BLOC1S2: variants seen among roughly 807,000 people sequenced by gnomAD.
BLOC1S2 encodes the protein biogenesis of lysosome-related organelles complex 1 subunit 2.
BLOC1S2 carries 12 observed loss-of-function variants against 19.6 expected under a neutral mutation model. That is an observed-to-expected ratio of 0.61 (90% CI 0.39 to 0.99). The LOEUF (loss-of-function observed/expected upper bound fraction) is 0.99. Ranked by LOEUF, BLOC1S2 falls within the 50% of genes least tolerant of loss-of-function variation. The probability of loss-of-function intolerance (pLI) is 0.00; values close to 1 mark genes in which losing one functional copy is unlikely to be tolerated. For missense variants in BLOC1S2, 142 were observed against 171.0 expected (o/e 0.83, Z 0.95); for synonymous variants, 66 against 64.1 (o/e 1.03, Z -0.14).
At position 100,280,215 on chromosome 10, in the gene BLOC1S2, C is replaced by T; in HGVS notation, c.306G>A (p.Gln102=). The change falls in exon 4 of 5, where the codon CAG becomes CAA. Residue 102 remains glutamine (Q), a synonymous_variant. Coordinates refer to ENST00000370372, the MANE Select transcript of BLOC1S2 (RefSeq NM_173809.5). Reference sequence around the variant, plus strand: ...TGACATTGATCTGATCCAGATAAGGCTGCAGTCCAGCATCTTTAAAAACAA... The same window carrying T: ...TGACATTGATCTGATCCAGATAAGGTTGCAGTCCAGCATCTTTAAAAACAA... The part of the protein sequence containing the change: ...KDLNQKYAGL[Q]PYLDQINVIE... 2 of 1,609,252 alleles carry T rather than the reference C, an allele frequency of 1.2e-6. No homozygotes were observed. The highest frequency in any genetic ancestry group is 1.1e-5 in the South Asian group (1 of 90,230).
At chr10:100,285,168 G>A (rs1848202336) in intron 2 of BLOC1S2, among the ~76,000 whole-genome samples, 1 of 152,142 alleles carries the variant, frequency 6.6e-6, no homozygotes, top group Non-Finnish European at 1.5e-5. Flanking sequence ...TTAGCTTACA[G>A]TAATTTCCTG....
At chr10:100,278,193 C>T (rs1589648609) in intron 4 of BLOC1S2, among the ~76,000 whole-genome samples, 1 of 147,680 alleles carries the variant, frequency 6.8e-6, no homozygotes, top group South Asian at 2.1e-4. Flanking sequence ...CCAGCCGCCC[C>T]GTCCGGGAGG....
At chr10:100,281,183 T>A in intron 2 of BLOC1S2, 130 bp from the exon 3 acceptor site, 2 of 1,040,284 alleles carry the variant, frequency 1.9e-6, no homozygotes, top group Non-Finnish European at 2.8e-6. Context: ...ACTTTTGATC[T>A]ATGACATTTA....
At position 100,286,518 on chromosome 10, in the gene BLOC1S2, G is replaced by T. The variant is rs914100903; in HGVS notation, c.55+87C>A. 52 of 1,567,492 alleles carry T rather than the reference G, an allele frequency of 3.3e-5. 1 individual carries two copies. The South Asian group carries it at 5.8e-4, about 18-fold the overall frequency. Reference sequence around the variant, plus strand: ...CCTCTCACCAGCCCGTTCCTGCCAGGTGAGCCACCACACACTCAACCTCGC... The same window carrying T: ...CCTCTCACCAGCCCGTTCCTGCCAGTTGAGCCACCACACACTCAACCTCGC... On this transcript the variant is annotated intron_variant, in intron 1 of 4. Coordinates refer to ENST00000370372, the MANE Select transcript of BLOC1S2 (RefSeq NM_173809.5).
chr10:100,275,758 C>A (rs1847833307), intron 4 of BLOC1S2, among the ~76,000 whole-genome samples: 1 of 151,266 alleles, frequency 6.6e-6, no homozygotes, highest in Non-Finnish European at 1.5e-5. Flanking sequence ...GACAGCTCCA[C>A]CAGGATGGGG....
intron 4 of BLOC1S2, among the ~76,000 whole-genome samples, chr10:100,276,791 C>T (rs1468537213): frequency 5.9e-5 from 9 of 151,626 alleles, no homozygotes; most frequent in Non-Finnish European, 1.2e-4. Flanking sequence ...GACGGAGTCT[C>T]ATTCACTCAG....
intron 1 of BLOC1S2, 120 bp downstream of exon 1, chr10:100,286,485 A>T (rs1391631212): frequency 6.7e-7 from 1 of 1,503,014 alleles, no homozygotes; most frequent in African/African-American, 1.4e-5. Context: ...CGCAGCGACA[A>T]GTGCACTCCT....
intron 4 of BLOC1S2, among the ~76,000 whole-genome samples, chr10:100,277,824 G>A (rs1722161386): frequency 7.5e-6 from 1 of 132,900 alleles, no homozygotes; most frequent in Admixed American, 7.1e-5. Flanking sequence ...CCCCGTCCGG[G>A]AGGGAGGTGG....
chr10:100,279,510 G>A (rs1188373653), intron 4 of BLOC1S2, among the ~76,000 whole-genome samples: 2 of 151,994 alleles, frequency 1.3e-5, no homozygotes, highest in African/African-American at 4.8e-5. Flanking sequence ...TGAGGCGGGC[G>A]GATCACGAGG....
chr10:100,278,849 G>A (rs1848021272), intron 4 of BLOC1S2, among the ~76,000 whole-genome samples: 1 of 151,780 alleles, frequency 6.6e-6, no homozygotes, highest in South Asian at 2.1e-4. Flanking sequence ...TACTTGAGAG[G>A]CTGAGGTGGG....
At chr10:100,276,764 G>T (rs1215144831) in intron 4 of BLOC1S2, among the ~76,000 whole-genome samples, 3 of 150,806 alleles carry the variant, frequency 2.0e-5, no homozygotes, top group Admixed American at 6.6e-5. Context: ...TCGGCCTCCC[G>T]AGGTGCCGGG....
chr10:100,282,274 A>G (rs1202093695), intron 2 of BLOC1S2, among the ~76,000 whole-genome samples: 4 of 152,222 alleles, frequency 2.6e-5, no homozygotes, highest in Non-Finnish European at 5.9e-5. Context: ...TCACTGCTAA[A>G]CAATTTGAAA....
At chr10:100,280,753 C>A (rs1848082093) in intron 3 of BLOC1S2, among the ~76,000 whole-genome samples, 181 bp downstream of exon 3, 1 of 152,090 alleles carries the variant, frequency 6.6e-6, no homozygotes, top group Non-Finnish European at 1.5e-5. Context: ...AGCAAAAATA[C>A]CCATACAAAC....
chr10:100,280,108 A>T lies in BLOC1S2; in HGVS notation c.397+16T>A. On this transcript the variant is annotated intron_variant, in intron 4 of 4. Coordinates refer to ENST00000370372, the MANE Select transcript of BLOC1S2 (RefSeq NM_173809.5). ...AGCAGTCTTTATTACATCAAAACAG[A>T]AGTAAAAACGGTTACCCAGTTTTTT... 1 of 1,595,280 alleles carries T rather than the reference A, an allele frequency of 6.3e-7. No homozygotes were observed. The highest frequency in any genetic ancestry group is 1.1e-5 in the South Asian group (1 of 90,074).
rs375784294 is a variant in BLOC1S2 at position 100,286,670 on chromosome 10, G to T, written c.-11C>A. 1.9e-6 allele frequency: 3 copies of T among 1,609,178 alleles called. No homozygotes were observed. Among genetic ancestry groups the T allele is most frequent in the African/African-American group, 1.3e-5 (1 of 74,822 alleles). ...GGCTGCCGCCGCCATAGCGGACCCCGCGCTGTTTCCGGGCCGGGGTGCTGC... is the reference window on the plus strand; with the variant it reads ...GGCTGCCGCCGCCATAGCGGACCCCTCGCTGTTTCCGGGCCGGGGTGCTGC... On this transcript the variant is annotated 5_prime_UTR_variant, in exon 1 of 5. Coordinates refer to ENST00000370372, the MANE Select transcript of BLOC1S2 (RefSeq NM_173809.5).
Position 100,278,121 on chromosome 10 carries a change from CG to C in BLOC1S2, c.397+2002del, listed in dbSNP as rs1314525015. 7.5e-5 allele frequency among the ~76,000 whole-genome samples: 10 copies of C among 133,958 alleles called. 1 individual carries two copies. The highest frequency in any genetic ancestry group is 3.0e-4 in the African/African-American group (10 of 33,356). 87.9% of individuals were successfully genotyped at this position (133,958 alleles called of 152,430 possible). A position where few individuals can be genotyped will look rare whatever the true frequency, so the allele number is the denominator to read the frequency against. On this transcript the variant is annotated intron_variant, in intron 4 of 4. Transcript: ENST00000370372. ...GGGAGGGAGGTGGGGGGGCGGTCAGCGCCCCCTCCCGGCCAGCCACCCCGTC... is the reference window on the plus strand; with the variant it reads ...GGGAGGGAGGTGGGGGGGCGGTCAGCCCCCCTCCCGGCCAGCCACCCCGTC...
intron 4 of BLOC1S2, among the ~76,000 whole-genome samples, chr10:100,276,269 A>T (rs1564870800): frequency 6.6e-6 from 1 of 151,600 alleles, no homozygotes; most frequent in African/African-American, 2.4e-5. Flanking sequence ...AAATGTTATA[A>T]GGACAAAAAC....
chr10:100,276,784 G>A (rs1214053818), intron 4 of BLOC1S2, among the ~76,000 whole-genome samples: 1 of 151,392 alleles, frequency 6.6e-6, no homozygotes, highest in East Asian at 2.0e-4. Flanking sequence ...GATTGCAGAC[G>A]GAGTCTCATT....
At position 100,286,304 on chromosome 10, in the gene BLOC1S2, C is replaced by A; in HGVS notation, c.56-91G>T. 5.2e-6 allele frequency: 8 copies of A among 1,524,624 alleles called. No individual in the cohort carries two copies. The South Asian group carries it at 1.0e-4, about 19-fold the overall frequency. The allele number at this position is 1,524,624 out of a possible 1,614,324, so 94.4% of individuals were successfully genotyped here. A position where few individuals can be genotyped will look rare whatever the true frequency, so the allele number is the denominator to read the frequency against. ...GTTCCGACATCCCTCCACTTGCCTTCATTCCATCAAGTCGGCTCCATTCTC... is the reference window on the plus strand; with the variant it reads ...GTTCCGACATCCCTCCACTTGCCTTAATTCCATCAAGTCGGCTCCATTCTC... On this transcript the variant is annotated intron_variant, in intron 1 of 4. Transcript: ENST00000370372.
Sources: gnomAD v4.1 joint callset for allele counts (sites outside exome capture counted in the v4.1 genomes callset) on GRCh38, gnomAD v4.1.1 for gene constraint, MANE v1.5 for transcripts, NCBI Gene and HGNC (gene_info 2026-07-23, HGNC 2026-07-21) for gene names.